STXBP5: variants seen among roughly 807,000 people sequenced by gnomAD.
The protein encoded by STXBP5 is syntaxin-binding protein 5.
Under a neutral mutation model 152.4 loss-of-function variants are expected in STXBP5, and 50 were observed. That is an observed-to-expected ratio of 0.33 (90% CI 0.26 to 0.42). The LOEUF is 0.42. Among genes scored for constraint, STXBP5 ranks in the 10% least tolerant of loss-of-function variants. The pLI is 1.00. For missense variants in STXBP5, 1,167 were observed against 1,388.6 expected (o/e 0.84, Z 2.54); for synonymous variants, 492 against 494.7 (o/e 0.99, Z 0.07).
At chr6:147,369,759 T>A (rs1785457504) in intron 25 of STXBP5, among the ~76,000 whole-genome samples, 1 of 151,974 alleles carries the variant, frequency 6.6e-6, no homozygotes, top group African/African-American at 2.4e-5. Flanking sequence ...TGAGAGTGGT[T>A]GAAATTAAAA....
intron 16 of STXBP5, among the ~76,000 whole-genome samples, chr6:147,320,371 C>T (rs570673365): frequency 6.6e-6 from 1 of 152,048 alleles, no homozygotes; most frequent in Non-Finnish European, 1.5e-5. Context: ...GACTTGCTCC[C>T]AAATGAACAC....
At chr6:147,268,671 A>G (rs574802562) in intron 7 of STXBP5, among the ~76,000 whole-genome samples, 62 of 152,190 alleles carry the variant, frequency 4.1e-4, no homozygotes, top group Admixed American at 7.2e-4. Context: ...ATGAAAGCAG[A>G]TTTTAAAAAT....
chr6:147,353,804 T>C (rs969120925), intron 22 of STXBP5, among the ~76,000 whole-genome samples: 9 of 152,170 alleles, frequency 5.9e-5, no homozygotes, highest in African/African-American at 2.2e-4. Flanking sequence ...ATAGCAAGAA[T>C]CATCGTTACT....
At chr6:147,353,259 A>G in intron 21 of STXBP5, 64 bp from the exon 22 acceptor site, 2 of 1,022,466 alleles carry the variant, frequency 2.0e-6, no homozygotes, top group Non-Finnish European at 1.4e-6. Flanking sequence ...TATCTTGAAA[A>G]TCAGTTGATA....
At chr6:147,248,394 A>G (rs1428528313) in intron 4 of STXBP5, among the ~76,000 whole-genome samples, 1 of 152,208 alleles carries the variant, frequency 6.6e-6, no homozygotes, top group African/African-American at 2.4e-5. Context: ...GTATATTACA[A>G]TATGAGTGAA....
At chr6:147,251,681 T>G (rs1779104554) in intron 4 of STXBP5, among the ~76,000 whole-genome samples, 1 of 152,170 alleles carries the variant, frequency 6.6e-6, no homozygotes, top group Non-Finnish European at 1.5e-5. Flanking sequence ...GACTTAAACG[T>G]TCCTGCCTGC....
At chr6:147,215,535 C>A (rs577932332) in intron 2 of STXBP5, among the ~76,000 whole-genome samples, 1 of 152,194 alleles carries the variant, frequency 6.6e-6, no homozygotes, top group East Asian at 1.9e-4. Context: ...TGCACGCCAC[C>A]ACGCCTGGCT....
At chr6:147,346,057 G>A (rs1432257893) in intron 21 of STXBP5, among the ~76,000 whole-genome samples, 1 of 152,156 alleles carries the variant, frequency 6.6e-6, no homozygotes, top group African/African-American at 2.4e-5. Flanking sequence ...AGAATACACA[G>A]TGGAAGAAGA....
chr6:147,224,569 G>A (rs945369572), intron 2 of STXBP5, among the ~76,000 whole-genome samples: 1 of 152,320 alleles, frequency 6.6e-6, no homozygotes, highest in Non-Finnish European at 1.5e-5. Flanking sequence ...AGCACAGTTA[G>A]ATTGTTTTAG....
intron 16 of STXBP5, among the ~76,000 whole-genome samples, chr6:147,323,760 A>T (rs1292294143): frequency 5.3e-5 from 8 of 152,212 alleles, no homozygotes; most frequent in Non-Finnish European, 1.0e-4. Flanking sequence ...AGTACTTTTC[A>T]TAGGCAGTCA....
chr6:147,253,970 G>C (rs1779230420), intron 4 of STXBP5, among the ~76,000 whole-genome samples: 1 of 151,976 alleles, frequency 6.6e-6, no homozygotes, highest in South Asian at 2.1e-4. Context: ...GAACCAAAAA[G>C]CCCGTATAGC....
At chr6:147,281,117 C>A (rs368977151) in intron 8 of STXBP5, among the ~76,000 whole-genome samples, 2 of 152,096 alleles carry the variant, frequency 1.3e-5, no homozygotes, top group Admixed American at 1.3e-4. Flanking sequence ...AGTACAATGG[C>A]GCGATGTTGG....
chr6:147,358,871 G>T (rs2128411237), intron 22 of STXBP5, among the ~76,000 whole-genome samples: 1 of 152,202 alleles, frequency 6.6e-6, no homozygotes, highest in East Asian at 1.9e-4. Flanking sequence ...CTGTCTCAGG[G>T]GTAGCAGAGG....
At position 147,204,672 on chromosome 6, in the gene STXBP5, A is replaced by G; in HGVS notation, c.140A>G (p.Gln47Arg). ...IQETLQSEHF[Q>R]LCKTVRHGFP... ...GAAACGCTCCAGTCCGAGCACTTTC[A>G]GCTCTGCAAGGTGAACGGAGCGCGC... The change falls in exon 1 of 28, where the codon CAG (glutamine) becomes CGG (arginine). Residue 47 changes from glutamine to arginine, a missense_variant. Coordinates refer to ENST00000321680, the MANE Select transcript of STXBP5 (RefSeq NM_001127715.4). The surrounding 1 kb of genome is among the most constrained non-coding windows in gnomAD (Gnocchi z 4.3). The G allele has an allele frequency of 6.3e-7, 1 of 1,597,804 alleles. No homozygotes were observed. Among genetic ancestry groups the G allele is most frequent in the South Asian group, 1.1e-5 (1 of 89,994 alleles).
At chr6:147,263,972 G>A (rs544226968) in intron 6 of STXBP5, among the ~76,000 whole-genome samples, 4 of 151,750 alleles carry the variant, frequency 2.6e-5, no homozygotes, top group Admixed American at 6.6e-5. Context: ...GTTTCTATTT[G>A]CCATAGCATC....
chr6:147,322,406 T>A (rs927387283), intron 16 of STXBP5, among the ~76,000 whole-genome samples: 6 of 152,206 alleles, frequency 3.9e-5, no homozygotes, highest in African/African-American at 4.8e-5. Context: ...GAACTGTAGT[T>A]CAATTCGTAT....
At chr6:147,345,571 T>C (rs1784289060) in intron 21 of STXBP5, among the ~76,000 whole-genome samples, 1 of 152,186 alleles carries the variant, frequency 6.6e-6, no homozygotes, top group Non-Finnish European at 1.5e-5. Flanking sequence ...TTCTAATTGT[T>C]GAAACTCTCG....
At position 147,204,487 on chromosome 6, in the gene STXBP5, C is replaced by A; in HGVS notation, c.-46C>A. On this transcript the variant is annotated 5_prime_UTR_variant, in exon 1 of 28. Transcript: ENST00000321680. This position sits in a 1 kb window ranked among gnomAD's most constrained non-coding sequence, Gnocchi z 4.3. ...CGGGTGGTCTCCCCCGCCCGGGGAC[C>A]CCCTGTGCCTCCCCTCCCGGGCTGC... 6.3e-7 allele frequency: 1 copy of A among 1,598,696 alleles called. No homozygotes were observed. The highest frequency in any genetic ancestry group is 1.1e-5 in the South Asian group (1 of 89,458).
intron 26 of STXBP5, among the ~76,000 whole-genome samples, chr6:147,375,413 A>G (rs1477384046): frequency 6.6e-6 from 1 of 152,110 alleles, no homozygotes; most frequent in Admixed American, 6.5e-5. Flanking sequence ...AACCCAATAG[A>G]TAGGCTTAAC....
Sources: gnomAD v4.1 joint callset for allele counts (sites outside exome capture counted in the v4.1 genomes callset) on GRCh38, gnomAD v4.1.1 for gene constraint, Gnocchi (gnomAD v3.1) non-coding constraint, MANE v1.5 for transcripts, NCBI Gene and HGNC (gene_info 2026-07-23, HGNC 2026-07-21) for gene names.